The following ADAM17 variants were observed in gnomAD, a reference collection of about 807,000 sequenced individuals.
ADAM17 encodes the protein ADAM metallopeptidase domain 17.
A neutral mutation model predicts 96.7 loss-of-function variants in ADAM17; 39 were observed. That is an observed-to-expected ratio of 0.40 (90% CI 0.31 to 0.53). ADAM17 has a LOEUF of 0.53. Among genes scored for constraint, ADAM17 ranks in the 20% least tolerant of loss-of-function variants. The pLI is 0.44. For synonymous variants in ADAM17, 344 were observed against 359.2 expected (o/e 0.96, Z 0.48); for missense variants, 777 against 1,013.2 (o/e 0.77, Z 3.17).
At chr2:9,546,961 C>A (rs1287866957) in intron 1 of ADAM17, among the ~76,000 whole-genome samples, 2 of 152,190 alleles carry the variant, frequency 1.3e-5, no homozygotes, top group African/African-American at 4.8e-5. Context: ...CCCACTTCGG[C>A]CTCCCAAAGT....
chr2:9,495,638 C>T (rs571195833), intron 14 of ADAM17, among the ~76,000 whole-genome samples: 33 of 150,424 alleles, frequency 2.2e-4, no homozygotes, highest in African/African-American at 7.4e-4. Context: ...CACTTGAACC[C>T]GGGAGGCGGA....
intron 13 of ADAM17, 124 bp downstream of exon 13, chr2:9,502,049 A>T (rs1663035786): frequency 1.2e-6 from 1 of 843,734 alleles, no homozygotes; most frequent in Non-Finnish European, 1.9e-6. Flanking sequence ...AGTGCCAGAA[A>T]CTCAACCCGG....
At position 9,555,685 on chromosome 2, in the gene ADAM17, G is replaced by C. The variant is rs1665729278; in HGVS notation, c.-80C>G. 8.1e-7 allele frequency: 1 copy of C among 1,233,044 alleles called. No individual in the cohort carries two copies. The highest frequency in any genetic ancestry group is 1.1e-6 in the Non-Finnish European group (1 of 900,312). The allele number at this position is 1,233,044 out of a possible 1,614,324, so 76.4% of individuals were successfully genotyped here. ...TTTCGGAAAACTGCTCACATCGGGG[G>C]AGGACGGGATCCGCCCGGCCTAGCC... On this transcript the variant is annotated 5_prime_UTR_variant, in exon 1 of 19. Transcript: ENST00000310823.
intron 2 of ADAM17, among the ~76,000 whole-genome samples, chr2:9,538,007 GAGGGGAGGA>G: frequency 1.1e-5 from 1 of 92,044 alleles, no homozygotes; most frequent in African/African-American, 5.7e-5. Context: ...GAGGGGAAGG[GAGGGGAGGA>G]GAGGGGAGGG....
In ADAM17 at chr2:9,490,002, CA is replaced by C; in HGVS notation, c.*174del. ...TAGATTCACCTTCACCTTACCTTTT[CA>C]AAAGGAGAAGGGCCAAACCACACAA... On this transcript the variant is annotated 3_prime_UTR_variant, in exon 19 of 19. Coordinates refer to ENST00000310823, the MANE Select transcript of ADAM17 (RefSeq NM_003183.6). 1 of 573,792 alleles carries C rather than the reference CA, an allele frequency of 1.7e-6. No individual in the cohort carries two copies. The highest frequency in any genetic ancestry group is 4.7e-4 in the Middle Eastern group (1 of 2,112). 35.5% of individuals were successfully genotyped at this position (573,792 alleles called of 1,614,324 possible). A position where few individuals can be genotyped will look rare whatever the true frequency, so the allele number is the denominator to read the frequency against.
chr2:9,520,815 T>C (rs1485638219), intron 8 of ADAM17, among the ~76,000 whole-genome samples: 3 of 151,608 alleles, frequency 2.0e-5, no homozygotes, highest in African/African-American at 7.3e-5. Context: ...AATACAAAAA[T>C]TAGCCGGCCG....
intron 2 of ADAM17, among the ~76,000 whole-genome samples, chr2:9,537,876 AGAGGG>A (rs1256562098): frequency 1.2e-3 from 77 of 63,570 alleles, no homozygotes; most frequent in African/African-American, 2.8e-3. Context: ...AGACAGGAAA[AGAGGG>A]GAGGGGAGGG....
chr2:9,515,155 A>C (rs539248081), intron 10 of ADAM17, among the ~76,000 whole-genome samples: 52 of 152,100 alleles, frequency 3.4e-4, no homozygotes, highest in African/African-American at 1.2e-3. Flanking sequence ...CCTGCTCTCC[A>C]CCTATTCATC....
rs1332540979 is a variant in ADAM17 at position 9,522,107 on chromosome 2, AAG to A, written c.844-793_844-792del. On this transcript the variant is annotated intron_variant, in intron 7 of 18. Transcript: ENST00000310823. ...ACTGGTTCCAAATGCCTAAAGCAAA[AAG>A]AAAATTTACAGGTTCCCTGAAACTC... The A allele has an allele frequency of 1.1e-5, 3 of 271,166 alleles. No homozygotes were observed. In the East Asian group the frequency reaches 1.9e-4, roughly 17 times the overall value. 16.8% of individuals were successfully genotyped at this position (271,166 alleles called of 1,614,324 possible). A position where few individuals can be genotyped will look rare whatever the true frequency, so the allele number is the denominator to read the frequency against.
At chr2:9,503,097 G>A (rs538360094) in intron 12 of ADAM17, among the ~76,000 whole-genome samples, 37 of 138,880 alleles carry the variant, frequency 2.7e-4, no homozygotes, top group Non-Finnish European at 4.3e-4. Context: ...CCAAGATCGC[G>A]CCACTGCACT....
chr2:9,493,069 T>A, intron 16 of ADAM17, 83 bp from the exon 17 acceptor site: 1 of 1,169,372 alleles, frequency 8.6e-7, no homozygotes, highest in Non-Finnish European at 1.2e-6. Flanking sequence ...ATTACCATTG[T>A]GTCAAATGCC....
intron 12 of ADAM17, among the ~76,000 whole-genome samples, chr2:9,502,850 G>T (rs1441313859): frequency 1.6e-5 from 2 of 127,870 alleles, no homozygotes; most frequent in African/African-American, 6.2e-5. Context: ...CTGCACTCCA[G>T]CCTAGGCAAC....
At chr2:9,536,927 T>A in intron 2 of ADAM17, 99 bp from the exon 3 acceptor site, 1 of 1,354,782 alleles carries the variant, frequency 7.4e-7, no homozygotes, top group Non-Finnish European at 1.0e-6. Flanking sequence ...GCATTGACAT[T>A]AATAAAACAC....
At chr2:9,490,950 C>T (rs912942641) in intron 18 of ADAM17, 151 bp downstream of exon 18, 6 of 653,686 alleles carry the variant, frequency 9.2e-6, no homozygotes, top group Non-Finnish European at 1.0e-5. Flanking sequence ...TCACTGTTGT[C>T]AGAAGGGTAA....
chr2:9,495,568 GC>G (rs1287092715), intron 14 of ADAM17, among the ~76,000 whole-genome samples: 3 of 152,160 alleles, frequency 2.0e-5, no homozygotes, highest in Middle Eastern at 3.4e-3. Context: ...AAAAAAATTA[GC>G]CAGATGTGGT....
At chr2:9,491,995 A>G (rs1662195019) in intron 17 of ADAM17, among the ~76,000 whole-genome samples, 1 of 152,230 alleles carries the variant, frequency 6.6e-6, no homozygotes, top group Non-Finnish European at 1.5e-5. Context: ...AGCTTTCTTC[A>G]GCACAAGTGC....
chr2:9,511,153 A>T (rs1663711166), intron 10 of ADAM17, among the ~76,000 whole-genome samples: 1 of 151,906 alleles, frequency 6.6e-6, no homozygotes, highest in South Asian at 2.1e-4. Context: ...AGCAAGGGGT[A>T]AAAAAAACAG....
At chr2:9,526,323 T>C in intron 5 of ADAM17, 79 bp from the exon 6 acceptor site, 1 of 1,439,148 alleles carries the variant, frequency 6.9e-7, no homozygotes, top group Non-Finnish European at 9.4e-7. Flanking sequence ...AAATCTAACA[T>C]ATTTTTGAAA....
At chr2:9,514,570 A>ATATATAT (rs1663954843) in intron 10 of ADAM17, among the ~76,000 whole-genome samples, 14 of 92,846 alleles carry the variant, frequency 1.5e-4, no homozygotes, top group Admixed American at 5.4e-4. Flanking sequence ...TATATATATA[A>ATATATAT]ATAAAAAGAG....
Sources: allele counts gnomAD v4.1 joint callset (sites outside exome capture counted in the v4.1 genomes callset), GRCh38; gene constraint gnomAD v4.1.1; transcripts MANE v1.5; gene names NCBI Gene and HGNC (gene_info 2026-07-23, HGNC 2026-07-21).